The following FAM13A variants were observed in gnomAD, a reference collection of about 807,000 sequenced individuals.
FAM13A encodes the protein family with sequence similarity 13 member A, also known as protein FAM13A.
In FAM13A, 76 loss-of-function variants were observed where a neutral mutation model predicts 129.6. That is an observed-to-expected ratio of 0.59 (90% confidence interval 0.49 to 0.71). The LOEUF is 0.71. Among genes scored for constraint, FAM13A ranks in the 30% least tolerant of loss-of-function variants. FAM13A has a pLI of 0.00. For synonymous variants in FAM13A, 443 were observed against 449.9 expected (o/e 0.98, Z 0.20); for missense variants, 1,108 against 1,249.3 (o/e 0.89, Z 1.70).
At chr4:88,883,819 C>T (rs115724513) in intron 6 of FAM13A, among the ~76,000 whole-genome samples, 2,013 of 113,610 alleles carry the variant, frequency 0.018, 41 homozygotes, top group African/African-American at 0.068. Flanking sequence ...ATAAATGAAA[C>T]GAGAGGTATT....
chr4:88,927,107 T>A (rs547793119), intron 5 of FAM13A, among the ~76,000 whole-genome samples: 7 of 152,302 alleles, frequency 4.6e-5, no homozygotes, highest in African/African-American at 1.4e-4. Context: ...TTTTTCCATT[T>A]GCTTGTGTCA....
chr4:88,793,903 C>T (rs1472650723), intron 8 of FAM13A, among the ~76,000 whole-genome samples: 2 of 151,906 alleles, frequency 1.3e-5, no homozygotes, highest in African/African-American at 4.8e-5. Flanking sequence ...CTTAACAATT[C>T]ACCCTTAACA....
At chr4:88,732,945 T>C (rs1427350640) in intron 21 of FAM13A, among the ~76,000 whole-genome samples, 6 of 151,996 alleles carry the variant, frequency 3.9e-5, no homozygotes, top group Non-Finnish European at 8.8e-5. Context: ...TTTAAGGCTA[T>C]GTAAGCCTAA....
intron 4 of FAM13A, among the ~76,000 whole-genome samples, chr4:88,967,362 T>C (rs1759487468): frequency 6.6e-6 from 1 of 152,236 alleles, no homozygotes; most frequent in Non-Finnish European, 1.5e-5. Flanking sequence ...AATAATCTCA[T>C]TTCCCTACAC....
rs1024785499 is a variant in FAM13A at position 88,820,227 on chromosome 4, CACTT to C, written c.1008-15179_1008-15176del. ...CAAACATGCCCCTAATAAAATCACACACTTACACGGGGTTAAATAATACACAGGA... is the reference window on the plus strand; with the variant it reads ...CAAACATGCCCCTAATAAAATCACACACACGGGGTTAAATAATACACAGGA... On this transcript the variant is annotated intron_variant, in intron 7 of 23. Transcript: ENST00000264344. Among the ~76,000 whole-genome samples the C allele has an allele frequency of 2.0e-4, 30 of 152,146 alleles. 1 individual carries two copies. The highest frequency in any genetic ancestry group is 1.5e-5 in the Non-Finnish European group (1 of 68,018).
At chr4:89,004,249 G>A (rs1277342834) in intron 3 of FAM13A, among the ~76,000 whole-genome samples, 5 of 152,134 alleles carry the variant, frequency 3.3e-5, no homozygotes, top group Non-Finnish European at 5.9e-5. Flanking sequence ...AATAACTCCC[G>A]TGCTTCAGCC....
chr4:89,018,669 T>G (rs1766847657), intron 3 of FAM13A, among the ~76,000 whole-genome samples: 1 of 152,198 alleles, frequency 6.6e-6, no homozygotes, highest in Admixed American at 6.5e-5. Context: ...GTGTTAAAAT[T>G]TGAAGTTAAA....
chr4:89,028,941 T>C (rs1319605744), intron 2 of FAM13A, among the ~76,000 whole-genome samples: 3 of 104,938 alleles, frequency 2.9e-5, no homozygotes, highest in Non-Finnish European at 6.2e-5. Flanking sequence ...ATTCTCCAAA[T>C]GTTTTACATG....
At chr4:88,840,627 T>C (rs947876988) in intron 7 of FAM13A, among the ~76,000 whole-genome samples, 2 of 151,820 alleles carry the variant, frequency 1.3e-5, no homozygotes, top group African/African-American at 2.4e-5. Flanking sequence ...AGGATGCAGA[T>C]GTGAATATGT....
intron 5 of FAM13A, among the ~76,000 whole-genome samples, chr4:88,927,025 T>C (rs1357616805): frequency 2.0e-5 from 3 of 152,270 alleles, no homozygotes; most frequent in East Asian, 1.9e-4. Context: ...CAATTCTCCC[T>C]TGATGGACAT....
intron 8 of FAM13A, among the ~76,000 whole-genome samples, chr4:88,801,062 A>C (rs1319603282): frequency 6.6e-6 from 1 of 152,192 alleles, no homozygotes; most frequent in African/African-American, 2.4e-5. Flanking sequence ...AAAAATCACA[A>C]ACATACAAAT....
rs181544601 is a variant in FAM13A, at chr4:89,034,775, G to A, written c.28-5126C>T. ...TGGGTGCCTGTAATCCCAGCCACTC[G>A]GGAGGCTGAGGCAGGAGAATCACTT... is the stretch of plus-strand genomic sequence containing the variant. On this transcript the variant is annotated intron_variant, in intron 1 of 23. Transcript: ENST00000264344. Among the ~76,000 whole-genome samples the A allele has an allele frequency of 9.2e-3, 1,394 of 152,226 alleles. 15 individuals are homozygous for A. Among genetic ancestry groups the A allele is most frequent in the African/African-American group, 0.032 (1,344 of 41,524 alleles).
At chr4:88,959,995 A>C (rs544990036) in intron 4 of FAM13A, among the ~76,000 whole-genome samples, 3 of 152,220 alleles carry the variant, frequency 2.0e-5, no homozygotes, top group Non-Finnish European at 2.9e-5. Flanking sequence ...GTTCTCGGCA[A>C]GAAGGCACTT....
intron 14 of FAM13A, among the ~76,000 whole-genome samples, chr4:88,754,448 G>A (rs964658197): frequency 1.3e-5 from 2 of 152,176 alleles, no homozygotes; most frequent in South Asian, 2.1e-4. Context: ...AAAGAAAACC[G>A]GGTACTGGGA....
At chr4:88,936,178 G>A (rs1372417938) in intron 5 of FAM13A, 2 of 152,198 alleles carry the variant, frequency 1.3e-5, no homozygotes, top group Non-Finnish European at 2.9e-5. Flanking sequence ...TTCCAAGCAG[G>A]GCACTCTTCC....
chr4:88,739,092 G>C lies in FAM13A; in HGVS notation c.2500C>G (p.Leu834Val). Residue 834 changes from leucine to valine, a missense_variant, in exon 20 of 24, where the codon CTA becomes GTA. Leu to Val is a conservative substitution (Grantham distance 32, BLOSUM62 1). This residue lies in a region of FAM13A where 529 missense variants were observed against 621.2 expected (regional missense o/e 0.85). Transcript: ENST00000264344. Reference sequence around the variant, plus strand: ...TTGACCAGCCGGTACCTGTCGTATAGTGGCTTCATCACCTGCCGTTCGTTC... The same window carrying C: ...TTGACCAGCCGGTACCTGTCGTATACTGGCTTCATCACCTGCCGTTCGTTC... Reference protein sequence around the residue: ...TKNERQVMKPLYDRYRLVKQI... With the variant: ...TKNERQVMKPVYDRYRLVKQI... 1 of 1,613,888 alleles carries C rather than the reference G, an allele frequency of 6.2e-7. No individual in the cohort carries two copies. The highest frequency in any genetic ancestry group is 8.5e-7 in the Non-Finnish European group (1 of 1,179,878).
chr4:88,974,452 G>A (rs1250191179), intron 4 of FAM13A, among the ~76,000 whole-genome samples: 1 of 151,978 alleles, frequency 6.6e-6, no homozygotes, highest in Non-Finnish European at 1.5e-5. Flanking sequence ...GCTAGACCAG[G>A]AACCAAAAGT....
chr4:89,030,643 C>A (rs1768562433), intron 1 of FAM13A, among the ~76,000 whole-genome samples: 1 of 152,046 alleles, frequency 6.6e-6, no homozygotes, highest in South Asian at 2.1e-4. Context: ...TACATTCAAT[C>A]TAGAGTTGAG....
intron 6 of FAM13A, among the ~76,000 whole-genome samples, chr4:88,889,874 T>C (rs972138876): frequency 1.1e-4 from 17 of 152,176 alleles, no homozygotes; most frequent in African/African-American, 3.9e-4. Flanking sequence ...ATTTTGAACA[T>C]AGCCCATACT....
Sources: gnomAD v4.1 joint callset for allele counts (sites outside exome capture counted in the v4.1 genomes callset) on GRCh38, gnomAD v4.1.1 for gene constraint, gnomAD v4.1.1 regional missense constraint, MANE v1.5 for transcripts, NCBI Gene and HGNC (gene_info 2026-07-23, HGNC 2026-07-21) for gene names.